Variants in DPP10 observed in about 807,000 individuals in gnomAD.
DPP10 encodes the protein inactive dipeptidyl peptidase 10.
DPP10 carries 33 observed loss-of-function variants against 120.9 expected under a neutral mutation model. The observed-to-expected ratio is 0.27, with a 90% CI of 0.21 to 0.37. The LOEUF is 0.37. Among genes scored for constraint, DPP10 ranks in the 10% least tolerant of loss-of-function variants. The pLI, the probability that DPP10 is intolerant of heterozygous loss-of-function variation, is 1.00. For synonymous variants in DPP10, 337 were observed against 326.1 expected (o/e 1.03, Z -0.36); for missense variants, 816 against 942.8 (o/e 0.87, Z 1.76).
intron 2 of DPP10, among the ~76,000 whole-genome samples, chr2:115,326,008 T>A (rs747256817): frequency 6.6e-6 from 1 of 152,168 alleles, no homozygotes; most frequent in Non-Finnish European, 1.5e-5. Context: ...AATTGCAGTG[T>A]AAAATCTGAA....
chr2:114,834,948 A>T (rs546582376), intron 1 of DPP10, among the ~76,000 whole-genome samples: 21 of 149,730 alleles, frequency 1.4e-4, no homozygotes, highest in Non-Finnish European at 2.7e-4. Flanking sequence ...ACACCTATGT[A>T]TATATAAGCC....
chr2:114,803,751 T>G (rs1482743137), intron 1 of DPP10, among the ~76,000 whole-genome samples: 2 of 152,142 alleles, frequency 1.3e-5, no homozygotes, highest in African/African-American at 4.8e-5. Context: ...TGGGTACTGT[T>G]AAAGGCATTC....
intron 5 of DPP10, among the ~76,000 whole-genome samples, chr2:115,630,452 A>G (rs1034052445): frequency 1.3e-5 from 2 of 152,168 alleles, no homozygotes; most frequent in Non-Finnish European, 2.9e-5. Context: ...GTTAAATAGT[A>G]GTTGTGAAAC....
chr2:114,739,588 G>A (rs576082416), intron 1 of DPP10, among the ~76,000 whole-genome samples: 2 of 152,144 alleles, frequency 1.3e-5, no homozygotes, highest in Non-Finnish European at 2.9e-5. Flanking sequence ...GAACCTGGGA[G>A]GTAGAGGTTG....
intron 3 of DPP10, among the ~76,000 whole-genome samples, chr2:115,412,675 C>T (rs2069048685): frequency 6.6e-6 from 1 of 152,180 alleles, no homozygotes; most frequent in African/African-American, 2.4e-5. Context: ...TATTTCTGAT[C>T]TACTCAATGG....
In DPP10 at chr2:115,125,874, G is replaced by A. The variant is rs533274029; in HGVS notation, c.61-183365G>A. Among the ~76,000 whole-genome samples the A allele has an allele frequency of 2.5e-4, 38 of 152,078 alleles. No individual in the cohort carries two copies. The South Asian group carries it at 5.6e-3, about 22-fold the overall frequency. On this transcript the variant is annotated intron_variant, in intron 1 of 25. Transcript: ENST00000410059. The stretch of plus-strand genomic sequence containing the variant: ...TGGGATTAAAGGTGCAAGGCACCGC[G>A]CCCAGCCCATAATACCTTTTTAAAC...
rs114574136 is a variant in DPP10, at chr2:114,722,408, G to A, written c.60+279570G>A. ...AATATCATTCTTTTTTTAAAGAGGA[G>A]TTCTAGAGAATCTAAAGTTTTTTTT... On this transcript the variant is annotated intron_variant, in intron 1 of 25. Transcript: ENST00000410059. Among the ~76,000 whole-genome samples the A allele has an allele frequency of 7.9e-3, 1,201 of 152,182 alleles. 14 individuals are homozygous for A. Among genetic ancestry groups the A allele is most frequent in the African/African-American group, 0.027 (1,129 of 41,516 alleles).
intron 1 of DPP10, among the ~76,000 whole-genome samples, chr2:114,605,029 C>T (rs1374125510): frequency 6.6e-6 from 1 of 152,062 alleles, no homozygotes; most frequent in East Asian, 1.9e-4. Context: ...AAAGTAATTT[C>T]ATGGAAAGAA....
chr2:115,284,384 A>T (rs925344415), intron 1 of DPP10, among the ~76,000 whole-genome samples: 1 of 152,000 alleles, frequency 6.6e-6, no homozygotes, highest in African/African-American at 2.4e-5. Flanking sequence ...TATCTTTCAA[A>T]AGCCCTAGTA....
intron 1 of DPP10, among the ~76,000 whole-genome samples, chr2:115,040,101 A>G (rs958533877): frequency 1.3e-5 from 2 of 152,188 alleles, no homozygotes; most frequent in Non-Finnish European, 2.9e-5. Context: ...ACAACATGAT[A>G]CTTATAAACC....
At chr2:114,715,097 A>G (rs1249985574) in intron 1 of DPP10, among the ~76,000 whole-genome samples, 4 of 152,192 alleles carry the variant, frequency 2.6e-5, no homozygotes, top group African/African-American at 9.7e-5. Context: ...GAAACAAAAA[A>G]TTACAGGACC....
intron 1 of DPP10, among the ~76,000 whole-genome samples, chr2:114,718,176 C>A (rs897759326): frequency 6.6e-6 from 1 of 151,664 alleles, no homozygotes; most frequent in African/African-American, 2.4e-5. Context: ...CTATCATTAC[C>A]TTTTGATTTC....
At chr2:114,924,336 G>C (rs148384486) in intron 1 of DPP10, among the ~76,000 whole-genome samples, 1 of 152,060 alleles carries the variant, frequency 6.6e-6, no homozygotes, top group East Asian at 1.9e-4. Flanking sequence ...AGACCAGGCT[G>C]GGCAACATGG....
At chr2:115,309,159 C>G in intron 1 of DPP10, 80 bp from the exon 2 acceptor site, 2 of 1,046,110 alleles carry the variant, frequency 1.9e-6, no homozygotes, top group Non-Finnish European at 1.4e-6. Flanking sequence ...GTGATTGTGC[C>G]ATGCACTGAA....
rs140925966 is a variant in DPP10, at chr2:115,053,601, G to A, written c.61-255638G>A. 3.6e-3 allele frequency among the ~76,000 whole-genome samples: 553 copies of A among 152,208 alleles called. 8 individuals carry two copies. Among genetic ancestry groups the A allele is most frequent in the African/African-American group, 0.012 (514 of 41,556 alleles). On this transcript the variant is annotated intron_variant, in intron 1 of 25. Transcript: ENST00000410059. ...CCACTGAATTTTACATTTTTAAATC[G>A]TTAAAATGGTAAATTTTATCCCTGT...
chr2:114,740,167 C>G (rs1176197457), intron 1 of DPP10, among the ~76,000 whole-genome samples: 5 of 151,360 alleles, frequency 3.3e-5, no homozygotes, highest in African/African-American at 1.2e-4. Flanking sequence ...CCATGGAATA[C>G]TATGCAGCCA....
At chr2:115,394,428 A>G (rs1429480470) in intron 3 of DPP10, among the ~76,000 whole-genome samples, 3 of 151,066 alleles carry the variant, frequency 2.0e-5, no homozygotes, top group Admixed American at 6.6e-5. Context: ...TAATTAGAAA[A>G]TCACATTCTA....
chr2:114,855,571 GACA>G (rs1689306512), intron 1 of DPP10, among the ~76,000 whole-genome samples: 1 of 152,122 alleles, frequency 6.6e-6, no homozygotes, highest in African/African-American at 2.4e-5. Context: ...TTCTCTGTAT[GACA>G]ACATTAAATG....
intron 1 of DPP10, among the ~76,000 whole-genome samples, chr2:115,210,704 C>T (rs562266748): frequency 2.0e-5 from 3 of 152,170 alleles, no homozygotes; most frequent in African/African-American, 4.8e-5. Context: ...TTTTAATGAT[C>T]ACCATTCTAA....
Sources: gnomAD v4.1 joint callset for allele counts (sites outside exome capture counted in the v4.1 genomes callset) on GRCh38, gnomAD v4.1.1 for gene constraint, MANE v1.5 for transcripts, NCBI Gene and HGNC (gene_info 2026-07-23, HGNC 2026-07-21) for gene names.